The following TNR variants were observed in gnomAD, a reference collection of about 807,000 sequenced individuals.
TNR encodes tenascin-R.
In TNR, 45 loss-of-function variants were observed where a neutral mutation model predicts 150.4. That is an observed-to-expected ratio of 0.30 (90% CI 0.24 to 0.38). The LOEUF is 0.38. Among genes scored for constraint, TNR ranks in the 10% least tolerant of loss-of-function variants. The pLI is 1.00. For missense variants in TNR, 1,544 were observed against 1,759.1 expected, an observed-to-expected ratio of 0.88 and a Z score of 2.19; for synonymous variants, 687 against 678.4, an observed-to-expected ratio of 1.01 and a Z score of -0.20.
intron 20 of TNR, chr1:175,330,555 A>G (rs1239428003): frequency 4.3e-6 from 1 of 231,284 alleles, no homozygotes; most frequent in East Asian, 8.9e-5. Flanking sequence ...CTCCTCTGCC[A>G]AACCATGGTA....
chr1:175,687,619 G>A (rs1013530659), intron 1 of TNR, among the ~76,000 whole-genome samples: 1 of 151,926 alleles, frequency 6.6e-6, no homozygotes, highest in Non-Finnish European at 1.5e-5. Flanking sequence ...AAGAGAGGTG[G>A]TATGCTGAGC....
intron 1 of TNR, among the ~76,000 whole-genome samples, chr1:175,563,073 C>A (rs1661495027): frequency 6.6e-6 from 1 of 152,218 alleles, no homozygotes; most frequent in South Asian, 2.1e-4. Context: ...ATGAAAGGGT[C>A]TCTTGGGTGC....
chr1:175,623,557 G>A (rs1043427719), intron 1 of TNR, among the ~76,000 whole-genome samples: 6 of 152,094 alleles, frequency 3.9e-5, no homozygotes, highest in Admixed American at 3.3e-4. Context: ...ATCAAGCCCC[G>A]TGGGACACCC....
At chr1:175,499,757 G>T (rs1193408451) in intron 2 of TNR, among the ~76,000 whole-genome samples, 2 of 152,188 alleles carry the variant, frequency 1.3e-5, no homozygotes, top group East Asian at 3.8e-4. Flanking sequence ...TCTGGAGTGG[G>T]TTAGAGTGAA....
intron 2 of TNR, among the ~76,000 whole-genome samples, chr1:175,441,470 G>A (rs1265727703): frequency 6.6e-6 from 1 of 152,032 alleles, no homozygotes; most frequent in African/African-American, 2.4e-5. Context: ...TTAAATATTT[G>A]TTAATAATAC....
chr1:175,354,342 A>G (rs768328612), intron 18 of TNR, 49 bp downstream of exon 18: 1 of 1,601,308 alleles, frequency 6.2e-7, no homozygotes, highest in Non-Finnish European at 8.5e-7. Context: ...TGATGAGCCA[A>G]ACATCAGGAA....
intron 20 of TNR, chr1:175,335,144 C>T: frequency 6.6e-6 from 1 of 152,458 alleles, no homozygotes; most frequent in Non-Finnish European, 1.5e-5. Flanking sequence ...GAACTTGGCA[C>T]CACCACCATC....
At chr1:175,662,372 G>A (rs959783431) in intron 1 of TNR, among the ~76,000 whole-genome samples, 5 of 151,776 alleles carry the variant, frequency 3.3e-5, no homozygotes, top group African/African-American at 9.7e-5. Flanking sequence ...ACTCATTCCT[G>A]TATCCCTGAG....
intron 1 of TNR, among the ~76,000 whole-genome samples, chr1:175,623,688 C>T (rs1664052057): frequency 6.6e-6 from 1 of 152,240 alleles, no homozygotes; most frequent in African/African-American, 2.4e-5. Flanking sequence ...TTTGCCAACT[C>T]CTCTTTGCAG....
chr1:175,460,909 G>A (rs1178128381), intron 2 of TNR, among the ~76,000 whole-genome samples: 1 of 152,162 alleles, frequency 6.6e-6, no homozygotes, highest in African/African-American at 2.4e-5. Flanking sequence ...CCACACACAT[G>A]TACATGCTCA....
intron 1 of TNR, among the ~76,000 whole-genome samples, chr1:175,701,265 G>A (rs568631889): frequency 9.9e-5 from 15 of 152,000 alleles, no homozygotes; most frequent in Non-Finnish European, 1.9e-4. Context: ...TCCTGTTCCT[G>A]CTCTCCTCTC....
At chr1:175,420,811 C>T (rs1387781429) in intron 2 of TNR, among the ~76,000 whole-genome samples, 4 of 152,150 alleles carry the variant, frequency 2.6e-5, no homozygotes, top group Non-Finnish European at 5.9e-5. Context: ...TAAAGAAGTG[C>T]TCTGAGGGTA....
intron 1 of TNR, among the ~76,000 whole-genome samples, chr1:175,552,134 A>G (rs1362319700): frequency 6.6e-6 from 1 of 152,206 alleles, no homozygotes; most frequent in East Asian, 1.9e-4. Context: ...GAAAAATCTT[A>G]TAGTATTGTT....
At position 175,600,606 on chromosome 1, in the gene TNR, T is replaced by C. The variant is rs149711754; in HGVS notation, c.-164-72237A>G. On this transcript the variant is annotated intron_variant, in intron 1 of 22. Coordinates refer to ENST00000367674, the MANE Select transcript of TNR (RefSeq NM_003285.3). ...GGCCACCATGTACAGTTGAGTTGGT[T>C]GTATATCCTGCACAAAGGTGCCCAG... Among the ~76,000 whole-genome samples, 97 of 152,338 alleles carry C rather than the reference T, an allele frequency of 6.4e-4. 1 individual carries two copies. In the East Asian group the frequency reaches 0.012, roughly 19 times the overall value.
chr1:175,604,886 T>C (rs1298743978), intron 1 of TNR, among the ~76,000 whole-genome samples: 2 of 152,132 alleles, frequency 1.3e-5, no homozygotes, highest in Non-Finnish European at 2.9e-5. Context: ...AGGGGAAGAA[T>C]GTCCAGAGAA....
chr1:175,336,477 A>G, intron 19 of TNR, among the ~76,000 whole-genome samples: 1 of 152,192 alleles, frequency 6.6e-6, no homozygotes, highest in East Asian at 1.9e-4. Flanking sequence ...AGAGCGAGAG[A>G]GGGCATCCAA....
At chr1:175,648,466 T>C (rs1204483617) in intron 1 of TNR, among the ~76,000 whole-genome samples, 2 of 152,010 alleles carry the variant, frequency 1.3e-5, no homozygotes, top group African/African-American at 4.8e-5. Flanking sequence ...CACCAACAAA[T>C]GGCAGCAAGT....
chr1:175,345,065 G>A (rs1483808516), intron 18 of TNR, among the ~76,000 whole-genome samples: 2 of 151,710 alleles, frequency 1.3e-5, no homozygotes, highest in African/African-American at 4.9e-5. Context: ...CCGAGATCAA[G>A]CCACTGCACT....
intron 2 of TNR, among the ~76,000 whole-genome samples, chr1:175,454,457 T>C (rs1284548998): frequency 2.0e-5 from 3 of 152,122 alleles, no homozygotes; most frequent in East Asian, 3.9e-4. Context: ...ATTGGTTCCA[T>C]TGTGTTTTAT....
Sources: gnomAD v4.1 joint callset for allele counts (sites outside exome capture counted in the v4.1 genomes callset) on GRCh38, gnomAD v4.1.1 for gene constraint, MANE v1.5 for transcripts, NCBI Gene and HGNC (gene_info 2026-07-23, HGNC 2026-07-21) for gene names.